The following IGHMBP2 variants were observed in gnomAD, a reference collection of about 807,000 sequenced individuals.
IGHMBP2 encodes immunoglobulin mu DNA binding protein 2, also known as DNA-binding protein SMUBP-2.
A neutral mutation model predicts 96.0 loss-of-function variants in IGHMBP2; 81 were observed. The observed-to-expected ratio is 0.84, with a 90% CI of 0.71 to 1.01. The LOEUF (loss-of-function observed/expected upper bound fraction) is 1.01, where lower values mean the gene tolerates loss of function less well. Ranked by LOEUF, IGHMBP2 falls within the 50% of genes least tolerant of loss-of-function variation. The pLI is 0.00. For synonymous variants in IGHMBP2, 557 were observed against 548.9 expected, an observed-to-expected ratio of 1.01 and a Z score of -0.21; for missense variants, 1,227 against 1,306.3, an observed-to-expected ratio of 0.94 and a Z score of 0.94.
Position 68,908,152 on chromosome 11 carries a change from C to T in IGHMBP2, c.264C>T (p.Ile88=), listed in dbSNP as rs753346884. ...LPSNSFTSGD[I]VGLYDAANEG... is the part of the protein sequence containing the mutation. ...GAGTCTTTGTTTTTGCAGGTGATAT[C>T]GTGGGCCTGTACGATGCTGCTAATG... is the stretch of plus-strand genomic sequence containing the variant. Residue 88 remains isoleucine (I), a synonymous_variant, in exon 3 of 15, where the codon ATC becomes ATT. Coordinates refer to ENST00000255078, the MANE Select transcript of IGHMBP2 (RefSeq NM_002180.3). The T allele has an allele frequency of 1.4e-5, 23 of 1,613,592 alleles. No individual in the cohort carries two copies. The East Asian group carries it at 2.9e-4, about 20-fold the overall frequency.
At chr11:68,930,215 C>A (rs1032253614) in intron 8 of IGHMBP2, 1 of 1,242,066 alleles carries the variant, frequency 8.1e-7, no homozygotes, top group African/African-American at 1.5e-5. Flanking sequence ...GAATGAAACA[C>A]TTCTGAGACT....
At chr11:68,914,072 A>G (rs569148878) in intron 5 of IGHMBP2, among the ~76,000 whole-genome samples, 22 of 152,322 alleles carry the variant, frequency 1.4e-4, no homozygotes, top group Non-Finnish European at 8.8e-5. Flanking sequence ...GAGGGCAAGG[A>G]GGCACCTGTA....
chr11:68,906,136 G>C lies in IGHMBP2; in HGVS notation c.154G>C (p.Val52Leu), dbSNP rs926718557. 1.2e-6 allele frequency: 2 copies of C among 1,614,172 alleles called. No homozygotes were observed. The highest frequency in any genetic ancestry group is 1.7e-6 in the Non-Finnish European group (2 of 1,180,024). ...SRGVCLLKLQ[V>L]SSQRTGLYGR... Reference sequence around the variant, plus strand: ...AGGCGTGTGTTTGCTGAAGCTGCAGGTATCCAGCCAGCGCACTGGGCTGTA... The same window carrying C: ...AGGCGTGTGTTTGCTGAAGCTGCAGCTATCCAGCCAGCGCACTGGGCTGTA... The change falls in exon 2 of 15, where the codon GTA becomes CTA. Residue 52 changes from valine (V) to leucine (L), a missense_variant. By Grantham distance (32) the Val-to-Leu change is conservative. This residue lies in a region of IGHMBP2 where 507 missense variants were observed against 496.9 expected (regional missense o/e 1.02). Coordinates refer to ENST00000255078, the MANE Select transcript of IGHMBP2 (RefSeq NM_002180.3).
At chr11:68,913,745 C>T (rs1452321955) in intron 5 of IGHMBP2, among the ~76,000 whole-genome samples, 4 of 152,052 alleles carry the variant, frequency 2.6e-5, no homozygotes, top group Non-Finnish European at 5.9e-5. Flanking sequence ...ATAGCAAGAC[C>T]CAGTCTCTAC....
chr11:68,939,568 C>A lies in IGHMBP2; in HGVS notation c.2819C>A (p.Ala940Asp). The A allele has an allele frequency of 6.2e-7, 1 of 1,612,712 alleles. No homozygotes were observed. Among genetic ancestry groups the A allele is most frequent in the Non-Finnish European group, 8.5e-7 (1 of 1,180,020 alleles). The change falls in exon 15 of 15, where the codon GCC becomes GAC. Residue 940 changes from alanine to aspartate, a missense_variant. Around this residue, in one of 3 missense-constraint regions of IGHMBP2, gnomAD observed 703 missense variants for 770.3 expected, o/e 0.91. Coordinates refer to ENST00000255078, the MANE Select transcript of IGHMBP2 (RefSeq NM_002180.3). ...HGCGERARAH[A>D]RQRISREGVL... ...TGCGGTGAGAGGGCTCGCGCCCATG[C>A]CCGGCAGAGAATCAGCCGGGAAGGG...
chr11:68,933,798 C>T lies in IGHMBP2; in HGVS notation c.1422C>T (p.Asp474=). 1 of 1,611,578 alleles carries T rather than the reference C, an allele frequency of 6.2e-7. No homozygotes were observed. The highest frequency in any genetic ancestry group is 2.2e-5 in the East Asian group (1 of 44,810). The part of the protein sequence containing the change: ...HSSVARHLLR[D]LPGVAATEET... ...TCCCTCTCTGCCTGTGTGCCAGGGA[C>T]CTCCCAGGTGTGGCTGCCACAGAAG... is the stretch of plus-strand genomic sequence containing the variant. The change falls in exon 10 of 15, where the codon GAC becomes GAT. Residue 474 remains aspartate, a synonymous_variant. Transcript: ENST00000255078.
chr11:68,938,100 A>G, intron 13 of IGHMBP2, 82 bp from the exon 14 acceptor site: 1 of 1,470,632 alleles, frequency 6.8e-7, no homozygotes, highest in South Asian at 1.1e-5. Context: ...CACCGTGCTT[A>G]GCCATGAATT....
At chr11:68,933,593 CTG>C in intron 9 of IGHMBP2, 112 bp downstream of exon 9, 2 of 1,350,388 alleles carry the variant, frequency 1.5e-6, no homozygotes, top group Non-Finnish European at 2.1e-6. Flanking sequence ...AAAGTCGACT[CTG>C]AGGCTAGCTT....
chr11:68,904,798 T>TTTTTC (rs200343316), intron 1 of IGHMBP2, among the ~76,000 whole-genome samples: 1 of 94,524 alleles, frequency 1.1e-5, no homozygotes, highest in African/African-American at 3.7e-5. Context: ...CTTTTTTTTC[T>TTTTTC]TTTTCTTTTT....
At chr11:68,914,289 T>C (rs1858559617) in intron 5 of IGHMBP2, among the ~76,000 whole-genome samples, 1 of 70,764 alleles carries the variant, frequency 1.4e-5, no homozygotes, top group East Asian at 2.6e-4. Flanking sequence ...GAGCAATTTG[T>C]TTCAAAAAAA....
Position 68,911,014 on chromosome 11 carries a change from G to A in IGHMBP2, c.548-426G>A, listed in dbSNP as rs1016114059. 1.4e-4 allele frequency among the ~76,000 whole-genome samples: 21 copies of A among 152,118 alleles called. No homozygotes were observed. The East Asian group carries it at 3.1e-3, about 22-fold the overall frequency. On this transcript the variant is annotated intron_variant, in intron 4 of 14. Transcript: ENST00000255078. Reference sequence around the variant, plus strand: ...ATCATTTTATGGGCACTTTAAAGAGGGACATTATGTTAGAAAGGAATATGC... The same window carrying A: ...ATCATTTTATGGGCACTTTAAAGAGAGACATTATGTTAGAAAGGAATATGC...
chr11:68,906,729 G>A (rs374341068), intron 2 of IGHMBP2, among the ~76,000 whole-genome samples: 184 of 140,714 alleles, frequency 1.3e-3, no homozygotes, highest in African/African-American at 4.6e-3. Context: ...TGCAACCTCC[G>A]CCTCCGGGGT....
At chr11:68,918,353 G>A (rs556479423) in intron 7 of IGHMBP2, among the ~76,000 whole-genome samples, 2 of 151,416 alleles carry the variant, frequency 1.3e-5, no homozygotes, top group Non-Finnish European at 2.9e-5. Flanking sequence ...TTAAGAGACA[G>A]GGTCTCTGCC....
intron 8 of IGHMBP2, among the ~76,000 whole-genome samples, chr11:68,931,667 CG>C (rs1250416970): frequency 6.6e-6 from 1 of 152,112 alleles, no homozygotes; most frequent in Non-Finnish European, 1.5e-5. Context: ...CTGCTGCAGC[CG>C]GCATGATGGC....
chr11:68,915,166 C>CCTTTT lies in IGHMBP2; in HGVS notation c.912+143_912+144insCTTTT, dbSNP rs1191505010. ...TAATAATTTTAAAAATTGGGCTGCC[C>CCTTTT]TTTTTTTTTTTTTTTTTTTTTTTTT... On this transcript the variant is annotated intron_variant, in intron 6 of 14. Coordinates refer to ENST00000255078, the MANE Select transcript of IGHMBP2 (RefSeq NM_002180.3). The CCTTTT allele has an allele frequency of 4.4e-4, 91 of 206,390 alleles. 4 individuals are homozygous for CCTTTT. The highest frequency in any genetic ancestry group is 4.4e-3 in the African/African-American group (80 of 18,226). The allele number at this position is 206,390 out of a possible 1,614,324, so 12.8% of individuals were successfully genotyped here.
chr11:68,926,308 A>G (rs577336681), intron 7 of IGHMBP2: 5 of 125,192 alleles, frequency 4.0e-5, no homozygotes, highest in South Asian at 2.4e-4. Context: ...GTCTCGCTCT[A>G]TCGCCAGACT....
chr11:68,916,468 C>T (rs570433849), intron 6 of IGHMBP2, among the ~76,000 whole-genome samples: 6 of 152,312 alleles, frequency 3.9e-5, no homozygotes, highest in East Asian at 3.9e-4. Context: ...TCTGTGCTCA[C>T]GTCCTGTCCT....
intron 5 of IGHMBP2, 110 bp downstream of exon 5, chr11:68,911,713 A>C (rs1389620174): frequency 1.0e-6 from 1 of 1,003,016 alleles, no homozygotes; most frequent in Non-Finnish European, 1.6e-6. Context: ...TGGGTCAGGA[A>C]CATTACTGAG....
intron 8 of IGHMBP2, among the ~76,000 whole-genome samples, chr11:68,932,032 A>G (rs1288921472): frequency 4.4e-5 from 6 of 137,374 alleles, no homozygotes; most frequent in Non-Finnish European, 6.1e-5. Flanking sequence ...CGGGGAAAAC[A>G]TTGGGTGGCA....
Sources: allele counts gnomAD v4.1 joint callset (sites outside exome capture counted in the v4.1 genomes callset), GRCh38; gene constraint gnomAD v4.1.1; regional missense constraint gnomAD v4.1.1; transcripts MANE v1.5; gene names NCBI Gene and HGNC (gene_info 2026-07-23, HGNC 2026-07-21).